The following MLKL variants were observed in gnomAD, a reference collection of about 807,000 sequenced individuals.
MLKL encodes the protein mixed lineage kinase domain-like protein.
In MLKL, 55 loss-of-function variants were observed where a neutral mutation model predicts 56.5. The ratio of observed to expected loss-of-function variants is 0.97; its 90% confidence interval spans 0.78 to 1.22. The LOEUF (loss-of-function observed/expected upper bound fraction) is 1.22, where lower values mean the gene tolerates loss of function less well. Ranked by LOEUF, MLKL falls within the 50% of genes most tolerant of loss-of-function variation. MLKL has a pLI of 0.00. For missense variants in MLKL, 694 were observed against 573.9 expected (o/e 1.21, Z -2.14); for synonymous variants, 251 against 208.3 (o/e 1.20, Z -1.76).
intron 8 of MLKL, 30 bp downstream of exon 8, chr16:74,675,583 G>C (rs767662284): frequency 6.2e-7 from 1 of 1,603,888 alleles, no homozygotes; most frequent in Non-Finnish European, 8.5e-7. Context: ...GCACATCTGA[G>C]TTAGAATCTG....
At chr16:74,691,183 C>A (rs909477776) in intron 4 of MLKL, 94 bp downstream of exon 4, 1 of 1,224,722 alleles carries the variant, frequency 8.2e-7, no homozygotes, top group Non-Finnish European at 1.1e-6. Flanking sequence ...AGGGCCCAGG[C>A]TTCCTCATCT....
At chr16:74,700,369 C>G (rs1419085584) in intron 1 of MLKL, 84 bp downstream of exon 1, 1 of 152,298 alleles carries the variant, frequency 6.6e-6, no homozygotes, top group Non-Finnish European at 1.5e-5. Context: ...GGGCCACCCT[C>G]ACCCCTGGTT....
Position 74,691,413 on chromosome 16 carries a change from T to C in MLKL, c.586A>G (p.Ile196Val), listed in dbSNP as rs747886552. The C allele has an allele frequency of 3.7e-6, 6 of 1,613,940 alleles. No homozygotes were observed. Among genetic ancestry groups the C allele is most frequent in the Non-Finnish European group, 4.2e-6 (5 of 1,180,008 alleles). ...QEIPQEQIKE[I>V]KKEQLSGSPW... Reference sequence around the variant, plus strand: ...GATCCTGAAAGCTGCTCCTTCTTGATCTCCTTGATTTGCTCTTGCGGGATC... The same window carrying C: ...GATCCTGAAAGCTGCTCCTTCTTGACCTCCTTGATTTGCTCTTGCGGGATC... The change falls in exon 4 of 11, where the codon ATC becomes GTC. Residue 196 changes from isoleucine (I) to valine (V), a missense_variant. Transcript: ENST00000308807.
chr16:74,684,920 A>G (rs1179578087), intron 5 of MLKL, among the ~76,000 whole-genome samples: 1 of 151,524 alleles, frequency 6.6e-6, no homozygotes, highest in Non-Finnish European at 1.5e-5. Flanking sequence ...GCTGGAATGC[A>G]ATGGTGCACC....
At chr16:74,683,534 T>C (rs140334868) in intron 5 of MLKL, among the ~76,000 whole-genome samples, 3 of 148,902 alleles carry the variant, frequency 2.0e-5, no homozygotes, top group African/African-American at 7.4e-5. Flanking sequence ...AGGTGGAAGC[T>C]GCAGTAAGCA....
rs748239497 is a variant in MLKL, at chr16:74,675,098, A to AG, written c.1242dup (p.Cys415LeufsTer2). On this transcript the variant is annotated frameshift_variant and splice_region_variant, in exon 10 of 11. Coordinates refer to ENST00000308807, the MANE Select transcript of MLKL (RefSeq NM_152649.4). LOFTEE classifies it high-confidence loss of function. ...AGCTTGCGGATCTTCTCAGAATTAC[A>AG]GCCTGGAAATGATAGCATGAGAGCC... 1.9e-6 allele frequency: 3 copies of AG among 1,613,998 alleles called. No individual in the cohort carries two copies. The highest frequency in any genetic ancestry group is 2.5e-6 in the Non-Finnish European group (3 of 1,179,974).
chr16:74,681,185 T>C (rs1181970416), intron 6 of MLKL, among the ~76,000 whole-genome samples: 1 of 152,036 alleles, frequency 6.6e-6, no homozygotes, highest in Non-Finnish European at 1.5e-5. Context: ...GGCACCATGC[T>C]GGGCTAATTT....
chr16:74,686,839 A>C lies in MLKL; in HGVS notation c.723-1256T>G, dbSNP rs184923738. 6.6e-4 allele frequency among the ~76,000 whole-genome samples: 100 copies of C among 152,340 alleles called. 2 individuals are homozygous for C. Among genetic ancestry groups the C allele is most frequent in the Middle Eastern group, 3.4e-3 (1 of 292 alleles). ...GTATTTCTATCTGCTAGCAATTAACAATCAAAAGATTAAATTAAAAATTTT... is the reference window on the plus strand; with the variant it reads ...GTATTTCTATCTGCTAGCAATTAACCATCAAAAGATTAAATTAAAAATTTT... On this transcript the variant is annotated intron_variant, in intron 4 of 10. Coordinates refer to ENST00000308807, the MANE Select transcript of MLKL (RefSeq NM_152649.4).
chr16:74,685,436 G>T, intron 5 of MLKL, 50 bp downstream of exon 5: 2 of 1,319,776 alleles, frequency 1.5e-6, no homozygotes, highest in Non-Finnish European at 2.2e-6. Context: ...AACACAGGAG[G>T]TGTGTTCTAG....
At chr16:74,682,598 G>C in intron 6 of MLKL, 53 bp downstream of exon 6, 1 of 1,603,342 alleles carries the variant, frequency 6.2e-7, no homozygotes, top group Non-Finnish European at 8.5e-7. Context: ...GGAGTATCAG[G>C]AGTGTGGACA....
At chr16:74,683,127 G>A (rs752686711) in intron 5 of MLKL, among the ~76,000 whole-genome samples, 3 of 152,086 alleles carry the variant, frequency 2.0e-5, no homozygotes, top group Non-Finnish European at 2.9e-5. Context: ...TGGCCTACGT[G>A]GTGAAACCAT....
At chr16:74,686,925 G>A (rs922071486) in intron 4 of MLKL, among the ~76,000 whole-genome samples, 1 of 152,176 alleles carries the variant, frequency 6.6e-6, no homozygotes, top group Non-Finnish European at 1.5e-5. Flanking sequence ...AGAAGTGCAA[G>A]TCTCACCCTG....
intron 4 of MLKL, among the ~76,000 whole-genome samples, chr16:74,690,095 A>G (rs1029624123): frequency 2.6e-5 from 4 of 152,240 alleles, no homozygotes; most frequent in African/African-American, 9.6e-5. Context: ...CCGTGATGGA[A>G]AAAAGGGCAG....
At chr16:74,696,328 G>C (rs993052328) in intron 1 of MLKL, among the ~76,000 whole-genome samples, 1 of 152,180 alleles carries the variant, frequency 6.6e-6, no homozygotes, top group East Asian at 1.9e-4. Context: ...TCCTGCTAAA[G>C]CATAGAGGTT....
chr16:74,684,431 GAA>G (rs66482612), intron 5 of MLKL, among the ~76,000 whole-genome samples: 1,272 of 112,734 alleles, frequency 0.011, 21 homozygotes, highest in African/African-American at 0.039. Context: ...GGGAAAAAAA[GAA>G]AAAAAAAAAA....
intron 6 of MLKL, among the ~76,000 whole-genome samples, chr16:74,682,035 C>T (rs1217113497): frequency 6.6e-6 from 1 of 151,760 alleles, no homozygotes; most frequent in Non-Finnish European, 1.5e-5. Flanking sequence ...TGCTTGAGCC[C>T]AGTAGTTCGA....
At chr16:74,678,763 C>T (rs1597484406) in intron 7 of MLKL, 136 bp downstream of exon 7, 1 of 667,084 alleles carries the variant, frequency 1.5e-6, no homozygotes, top group East Asian at 2.9e-5. Flanking sequence ...GCTTGGGTGA[C>T]AGAAAGAGAC....
In MLKL at chr16:74,675,058, C is replaced by T. The variant is rs555966640; in HGVS notation, c.1283G>A (p.Arg428Gln). 5.1e-4 allele frequency: 821 copies of T among 1,614,182 alleles called. 10 individuals are homozygous for T. The South Asian group carries it at 8.0e-3, about 16-fold the overall frequency. The stretch of plus-strand genomic sequence containing the variant: ...GTCTTCACCCAGTGGCTCCTGCTGC[C>T]GCTTCACAGCCACCAGCTTGCGGAT... The part of the protein sequence containing the change: ...EKIRKLVAVK[R>Q]QQEPLGEDCP... The change falls in exon 10 of 11, where the codon CGG becomes CAG. Residue 428 changes from arginine (R) to glutamine (Q), a missense_variant. By Grantham distance (43) the Arg-to-Gln change is conservative. Transcript: ENST00000308807.
chr16:74,693,698 G>C (rs2144550547), intron 2 of MLKL, among the ~76,000 whole-genome samples: 1 of 151,678 alleles, frequency 6.6e-6, no homozygotes, highest in Admixed American at 6.6e-5. Context: ...CGCCCCGCGG[G>C]GTTCACGCCA....
Sources: allele counts gnomAD v4.1 joint callset (sites outside exome capture counted in the v4.1 genomes callset), GRCh38; gene constraint gnomAD v4.1.1; transcripts MANE v1.5; gene names NCBI Gene and HGNC (gene_info 2026-07-23, HGNC 2026-07-21).